The following SLC2A9 variants were observed in gnomAD, a reference collection of about 807,000 sequenced individuals.
SLC2A9 encodes solute carrier family 2 member 9, also known as solute carrier family 2, facilitated glucose transporter member 9.
Under a neutral mutation model 50.6 loss-of-function variants are expected in SLC2A9, and 39 were observed. The observed-to-expected ratio is 0.77, with a 90% CI of 0.60 to 1.01. The LOEUF (loss-of-function observed/expected upper bound fraction) is 1.01, where lower values mean the gene tolerates loss of function less well. Ranked by LOEUF, SLC2A9 falls within the 50% of genes least tolerant of loss-of-function variation. The pLI is 0.00. For synonymous variants in SLC2A9, 324 were observed against 276.9 expected (o/e 1.17, Z -1.69); for missense variants, 686 against 677.6 (o/e 1.01, Z -0.14).
intron 10 of SLC2A9, among the ~76,000 whole-genome samples, chr4:9,849,702 G>A (rs1006400701): frequency 4.6e-5 from 7 of 152,136 alleles, no homozygotes; most frequent in African/African-American, 1.7e-4. Context: ...CATAATGAGT[G>A]TGGACAGTTA....
rs139449249 is a variant in SLC2A9 at position 9,980,607 on chromosome 4, G to C, written c.666C>G (p.Pro222=). 2 of 1,613,988 alleles carry C rather than the reference G, an allele frequency of 1.2e-6. No homozygotes were observed. The highest frequency in any genetic ancestry group is 1.7e-6 in the Non-Finnish European group (2 of 1,180,026). ...GVFTGQLLGL[P]ELLGKESTWP... The stretch of plus-strand genomic sequence containing the variant: ...CCACACTCACCTTTCCCAGCAGCTC[G>C]GGCAGGCCCAGAAGCTGCCCAGTGA... The change falls in exon 5 of 12, where the codon CCC becomes CCG. Residue 222 remains proline (P), a synonymous_variant. Transcript: ENST00000264784.
chr4:9,784,871 A>G (rs1253451560), intron 3 of SLC2A9, among the ~76,000 whole-genome samples: 2 of 152,222 alleles, frequency 1.3e-5, no homozygotes, highest in Non-Finnish European at 2.9e-5. Flanking sequence ...TTTAAGGCTA[A>G]TTTTATTGTC....
intron 10 of SLC2A9, among the ~76,000 whole-genome samples, chr4:9,850,777 G>A (rs527262184): frequency 6.6e-6 from 1 of 152,072 alleles, no homozygotes; most frequent in Non-Finnish European, 1.5e-5. Flanking sequence ...CTCTCTTCCA[G>A]CACATGTGTG....
intron 3 of SLC2A9, among the ~76,000 whole-genome samples, chr4:9,785,620 G>A (rs1458256752): frequency 2.0e-5 from 3 of 152,196 alleles, no homozygotes; most frequent in Admixed American, 6.5e-5. Flanking sequence ...TATGGGAAAT[G>A]GATTATGTGA....
intron 5 of SLC2A9, among the ~76,000 whole-genome samples, chr4:9,942,273 G>A (rs369151157): frequency 1.3e-5 from 2 of 152,226 alleles, no homozygotes; most frequent in Non-Finnish European, 2.9e-5. Flanking sequence ...CTGTGAGATA[G>A]TGACCTGCAA....
intron 10 of SLC2A9, among the ~76,000 whole-genome samples, chr4:9,838,928 G>A (rs190972792): frequency 1.3e-5 from 2 of 152,038 alleles, no homozygotes; most frequent in Non-Finnish European, 1.5e-5. Flanking sequence ...AATACCATTC[G>A]GCAAATAGGC....
chr4:9,783,694 G>C, intron 3 of SLC2A9: 2 of 533,058 alleles, frequency 3.8e-6, no homozygotes, highest in East Asian at 3.2e-5. Flanking sequence ...ATGGACCAAC[G>C]ATCCTATGAG....
chr4:9,812,999 T>C (rs1723083929), intron 3 of SLC2A9, among the ~76,000 whole-genome samples: 1 of 152,212 alleles, frequency 6.6e-6, no homozygotes, highest in South Asian at 2.1e-4. Context: ...TCCCTGTCAC[T>C]CAGTGTGACC....
intron 3 of SLC2A9, chr4:9,783,055 C>A (rs759973436): frequency 5.0e-6 from 8 of 1,614,124 alleles, no homozygotes; most frequent in African/African-American, 4.0e-5. Flanking sequence ...CCACCTTCGA[C>A]GTCTTCGTCT....
chr4:10,028,582 T>C (rs1487797195), intron 1 of SLC2A9, among the ~76,000 whole-genome samples: 1 of 152,192 alleles, frequency 6.6e-6, no homozygotes, highest in Non-Finnish European at 1.5e-5. Flanking sequence ...ATGGACATCA[T>C]ACACAGCACC....
chr4:9,796,502 T>C (rs138052838), downstream of SLC2A9, among the ~76,000 whole-genome samples: 2 of 152,218 alleles, frequency 1.3e-5, no homozygotes, highest in Non-Finnish European at 2.9e-5. Flanking sequence ...CTGTAAGGAT[T>C]AGATGAGATT....
intron 3 of SLC2A9, among the ~76,000 whole-genome samples, chr4:9,790,134 A>G (rs1000180072): frequency 6.6e-6 from 1 of 152,002 alleles, no homozygotes; most frequent in African/African-American, 2.4e-5. Flanking sequence ...AAGAGCATCT[A>G]CTCCTGGAGA....
intron 1 of SLC2A9, among the ~76,000 whole-genome samples, chr4:10,036,489 G>A (rs1764108690): frequency 6.6e-6 from 1 of 152,182 alleles, no homozygotes; most frequent in South Asian, 2.1e-4. Context: ...GGGTGTTTAC[G>A]CTACACACAC....
downstream of SLC2A9, among the ~76,000 whole-genome samples, chr4:9,825,234 T>C (rs780566023): frequency 1.3e-5 from 2 of 152,220 alleles, no homozygotes; most frequent in Non-Finnish European, 2.9e-5. Context: ...CACATTACGA[T>C]GGCAGGCTGT....
At chr4:9,997,931 G>C (rs1023317756) in intron 2 of SLC2A9, among the ~76,000 whole-genome samples, 1 of 152,006 alleles carries the variant, frequency 6.6e-6, no homozygotes, top group Non-Finnish European at 1.5e-5. Flanking sequence ...GATATACAAA[G>C]AACTCTAACA....
chr4:9,979,646 T>A (rs1040813097), intron 5 of SLC2A9, among the ~76,000 whole-genome samples: 1 of 151,836 alleles, frequency 6.6e-6, no homozygotes, highest in Non-Finnish European at 1.5e-5. Flanking sequence ...CTCCCCACCC[T>A]TCCCACTCTA....
chr4:9,875,433 C>T (rs887688408), intron 10 of SLC2A9, among the ~76,000 whole-genome samples: 3 of 152,222 alleles, frequency 2.0e-5, no homozygotes, highest in African/African-American at 7.2e-5. Flanking sequence ...TTGTGCAGTG[C>T]ACACCCTGAG....
chr4:9,782,368 C>T, intron 3 of SLC2A9: 1 of 1,614,042 alleles, frequency 6.2e-7, no homozygotes, highest in Non-Finnish European at 8.5e-7. Flanking sequence ...GAGCGTTCTG[C>T]GACGTCTGGG....
At chr4:9,809,149 G>C (rs538434212) in intron 3 of SLC2A9, among the ~76,000 whole-genome samples, 9 of 152,190 alleles carry the variant, frequency 5.9e-5, no homozygotes, top group Non-Finnish European at 1.3e-4. Context: ...TAGGCTCTAG[G>C]AAATCTTGAG....
Sources: gnomAD v4.1 joint callset for allele counts (sites outside exome capture counted in the v4.1 genomes callset) on GRCh38, gnomAD v4.1.1 for gene constraint, MANE v1.5 for transcripts, NCBI Gene and HGNC (gene_info 2026-07-23, HGNC 2026-07-21) for gene names.